Variants in BICD1 observed in about 807,000 individuals in gnomAD.
BICD1 encodes the protein BICD cargo adaptor 1, also known as protein bicaudal D homolog 1.
In BICD1, 35 loss-of-function variants were observed where a neutral mutation model predicts 92.5. The ratio of observed to expected loss-of-function variants is 0.38; its 90% CI spans 0.29 to 0.50. BICD1 has a LOEUF of 0.50. BICD1 is among the 20% of genes least tolerant of loss of function. The probability of loss-of-function intolerance (pLI) is 0.93; values close to 1 mark genes in which losing one functional copy is unlikely to be tolerated. For missense variants in BICD1, 950 were observed against 1,189.8 expected (o/e 0.80, Z 2.97); for synonymous variants, 429 against 465.1 (o/e 0.92, Z 1.00).
intron 1 of BICD1, among the ~76,000 whole-genome samples, chr12:32,168,573 G>A (rs1943841820): frequency 6.6e-6 from 1 of 152,208 alleles, no homozygotes; most frequent in Non-Finnish European, 1.5e-5. Context: ...GATAACATTT[G>A]TGCTGAAAAC....
chr12:32,118,078 T>TTTTATTTTATTTTATTTTAC (rs1942006389), intron 1 of BICD1, among the ~76,000 whole-genome samples: 4 of 147,108 alleles, frequency 2.7e-5, no homozygotes, highest in African/African-American at 1.0e-4. Context: ...TTTTATTTTA[T>TTTTATTTTATTTTATTTTAC]TTTATTTTAT....
intron 9 of BICD1, among the ~76,000 whole-genome samples, chr12:32,376,321 T>C (rs1477568912): frequency 6.6e-6 from 1 of 151,966 alleles, no homozygotes; most frequent in Admixed American, 6.6e-5. Context: ...TCTCTTGACC[T>C]CATAATCCTC....
chr12:32,172,298 G>A (rs1943969038), intron 1 of BICD1, among the ~76,000 whole-genome samples: 1 of 152,174 alleles, frequency 6.6e-6, no homozygotes, highest in Admixed American at 6.5e-5. Flanking sequence ...GTTATATAGA[G>A]ATGAAAAGAC....
chr12:32,111,113 A>G (rs1941674228), intron 1 of BICD1, among the ~76,000 whole-genome samples: 1 of 152,230 alleles, frequency 6.6e-6, no homozygotes, highest in African/African-American at 2.4e-5. Context: ...AAGGAAATGT[A>G]TCTGTGAGAC....
chr12:32,257,531 G>A (rs1049800171), intron 2 of BICD1, among the ~76,000 whole-genome samples: 1 of 152,080 alleles, frequency 6.6e-6, no homozygotes, highest in African/African-American at 2.4e-5. Context: ...CTCAAACATT[G>A]AGAGTAGGCA....
chr12:32,188,180 C>T (rs1944472241), intron 1 of BICD1, among the ~76,000 whole-genome samples: 1 of 152,124 alleles, frequency 6.6e-6, no homozygotes, highest in South Asian at 2.1e-4. Flanking sequence ...TCAGGTGATC[C>T]ACCCACCTCG....
chr12:32,369,033 T>C (rs900398327), intron 9 of BICD1, among the ~76,000 whole-genome samples: 6 of 152,238 alleles, frequency 3.9e-5, no homozygotes, highest in African/African-American at 1.4e-4. Flanking sequence ...GAGAAAAACA[T>C]TGTAGTTAGC....
chr12:32,190,297 G>A (rs923853636), intron 1 of BICD1, among the ~76,000 whole-genome samples: 1 of 152,114 alleles, frequency 6.6e-6, no homozygotes, highest in African/African-American at 2.4e-5. Context: ...GATAAACAGT[G>A]GCCAAATGGA....
chr12:32,205,015 A>G (rs1945008041), intron 1 of BICD1, among the ~76,000 whole-genome samples: 1 of 152,232 alleles, frequency 6.6e-6, no homozygotes, highest in Non-Finnish European at 1.5e-5. Flanking sequence ...ATATGATTCC[A>G]AAGTTTAAGA....
chr12:32,264,036 G>T (rs1946928718), intron 2 of BICD1, among the ~76,000 whole-genome samples: 1 of 152,124 alleles, frequency 6.6e-6, no homozygotes, highest in Non-Finnish European at 1.5e-5. Flanking sequence ...AGATTGCAAG[G>T]CTTCAGATCC....
intron 1 of BICD1, among the ~76,000 whole-genome samples, chr12:32,121,286 C>A (rs79194431): frequency 0.29 from 43,597 of 151,220 alleles, 6,434 homozygotes; most frequent in Admixed American, 0.43. Context: ...AAAATTCATA[C>A]CAGATCTTAA....
intron 2 of BICD1, among the ~76,000 whole-genome samples, chr12:32,225,745 C>T (rs1390585288): frequency 1.7e-4 from 25 of 149,668 alleles, no homozygotes; most frequent in African/African-American, 5.4e-4. Context: ...CTTAGCCTCC[C>T]GAGTAGCTGG....
At chr12:32,326,465 C>T (rs943536529) in intron 4 of BICD1, among the ~76,000 whole-genome samples, 1 of 152,154 alleles carries the variant, frequency 6.6e-6, no homozygotes, top group African/African-American at 2.4e-5. Flanking sequence ...GTAATACTTA[C>T]ATATCACATT....
intron 1 of BICD1, among the ~76,000 whole-genome samples, chr12:32,208,825 A>C (rs758240799): frequency 8.0e-5 from 12 of 150,094 alleles, no homozygotes; most frequent in South Asian, 2.1e-4. Context: ...CTTTCTTTTT[A>C]TTTTTTTCTT....
chr12:32,235,250 G>A (rs1946029088), intron 2 of BICD1, among the ~76,000 whole-genome samples: 1 of 152,142 alleles, frequency 6.6e-6, no homozygotes, highest in African/African-American at 2.4e-5. Context: ...AGCTTTCTTG[G>A]ATAGTTAACT....
At chr12:32,297,294 G>T (rs147199362) in intron 3 of BICD1, among the ~76,000 whole-genome samples, 21 of 152,022 alleles carry the variant, frequency 1.4e-4, no homozygotes, top group African/African-American at 5.1e-4. Context: ...TGCAACCTCC[G>T]CCTCCTGGTC....
At chr12:32,127,497 A>G (rs1942386601) in intron 1 of BICD1, among the ~76,000 whole-genome samples, 1 of 152,056 alleles carries the variant, frequency 6.6e-6, no homozygotes, top group South Asian at 2.1e-4. Flanking sequence ...GCATGGGTCT[A>G]TTTTTGGACT....
intron 8 of BICD1, among the ~76,000 whole-genome samples, chr12:32,356,545 A>C (rs2136313842): frequency 6.6e-6 from 1 of 152,092 alleles, no homozygotes; most frequent in East Asian, 1.9e-4. Flanking sequence ...AGGTGGGAGG[A>C]TCGCCTGAAC....
Position 32,107,306 on chromosome 12 carries a change from C to T in BICD1, c.-26C>T, listed in dbSNP as rs1230552603. Reference sequence around the variant, plus strand: ...CATCCATCTCCCCCACCCCGTAACCCCCTCCTGCCTCCATCCACCGGGGCT... The same window carrying T: ...CATCCATCTCCCCCACCCCGTAACCTCCTCCTGCCTCCATCCACCGGGGCT... On this transcript the variant is annotated 5_prime_UTR_variant, in exon 1 of 10. Transcript: ENST00000652176. 1.3e-6 allele frequency: 2 copies of T among 1,567,636 alleles called. No individual in the cohort carries two copies. The highest frequency in any genetic ancestry group is 1.7e-6 in the Non-Finnish European group (2 of 1,153,108).
Sources: gnomAD v4.1 joint callset for allele counts (sites outside exome capture counted in the v4.1 genomes callset) on GRCh38, gnomAD v4.1.1 for gene constraint, MANE v1.5 for transcripts, NCBI Gene and HGNC (gene_info 2026-07-23, HGNC 2026-07-21) for gene names.